PIK3R6: variants seen among roughly 807,000 people sequenced by gnomAD.
The protein encoded by PIK3R6 is phosphoinositide-3-kinase regulatory subunit 6.
A neutral mutation model predicts 84.9 loss-of-function variants in PIK3R6; 91 were observed. The observed-to-expected ratio is 1.07, with a 90% CI of 0.90 to 1.28. PIK3R6 has a LOEUF of 1.28. Ranked by LOEUF, PIK3R6 falls within the 50% of genes most tolerant of loss-of-function variation. PIK3R6 has a pLI of 0.00. For missense variants in PIK3R6, 996 were observed against 985.1 expected, an observed-to-expected ratio of 1.01 and a Z score of -0.15; for synonymous variants, 416 against 411.4, an observed-to-expected ratio of 1.01 and a Z score of -0.13.
chr17:8,827,933 C>G (rs1428026173), intron 12 of PIK3R6, among the ~76,000 whole-genome samples, 179 bp downstream of exon 12: 1 of 152,222 alleles, frequency 6.6e-6, no homozygotes, highest in Non-Finnish European at 1.5e-5. Flanking sequence ...ATGCAACCCC[C>G]AGAGCACCGT....
chr17:8,825,481 ATACT>A (rs1479473791), intron 13 of PIK3R6, among the ~76,000 whole-genome samples: 3 of 152,226 alleles, frequency 2.0e-5, no homozygotes, highest in South Asian at 2.1e-4. Context: ...TATGTACTAA[ATACT>A]TACAAGCACA....
At chr17:8,837,460 G>A (rs778091009) in intron 5 of PIK3R6, among the ~76,000 whole-genome samples, 10 of 152,014 alleles carry the variant, frequency 6.6e-5, no homozygotes, top group Non-Finnish European at 1.5e-4. Flanking sequence ...ACTCCCACCC[G>A]CTGCAACAAC....
intron 13 of PIK3R6, among the ~76,000 whole-genome samples, chr17:8,824,995 T>A (rs532186212): frequency 3.0e-4 from 45 of 152,342 alleles, no homozygotes; most frequent in African/African-American, 1.0e-3. Flanking sequence ...CCGCAGTTTT[T>A]AAAACTAAAG....
At position 8,824,221 on chromosome 17, in the gene PIK3R6, A is replaced by T. The variant is rs187977746; in HGVS notation, c.1516-724T>A. Among the ~76,000 whole-genome samples the T allele has an allele frequency of 4.5e-3, 684 of 152,344 alleles. 1 individual carries two copies. Among genetic ancestry groups the T allele is most frequent in the Middle Eastern group, 0.027 (8 of 294 alleles). On this transcript the variant is annotated intron_variant, in intron 13 of 19. Coordinates refer to ENST00000619866, the MANE Select transcript of PIK3R6 (RefSeq NM_001010855.4). ...GAGGCGGAGGTTGCAGTGAGCCAAGATTGTGCCATTGCACTCCAGCCTGGG... is the reference window on the plus strand; with the variant it reads ...GAGGCGGAGGTTGCAGTGAGCCAAGTTTGTGCCATTGCACTCCAGCCTGGG...
chr17:8,822,012 C>A, intron 16 of PIK3R6, 76 bp from the exon 17 acceptor site: 1 of 1,128,620 alleles, frequency 8.9e-7, no homozygotes, highest in Non-Finnish European at 1.3e-6. Context: ...CATCCACAGT[C>A]TTGCCTCTCT....
intron 1 of PIK3R6, among the ~76,000 whole-genome samples, chr17:8,857,854 C>T (rs1347677248): frequency 6.7e-6 from 1 of 148,174 alleles, no homozygotes; most frequent in African/African-American, 2.5e-5. Flanking sequence ...GAGCTGCAAT[C>T]GTGCCACTGC....
intron 18 of PIK3R6, among the ~76,000 whole-genome samples, chr17:8,804,735 G>C (rs1227775322): frequency 1.3e-5 from 2 of 152,188 alleles, no homozygotes; most frequent in Admixed American, 6.5e-5. Context: ...AGAACTTGGA[G>C]CATTGTGGGT....
chr17:8,837,525 T>C (rs1364105395), intron 5 of PIK3R6, among the ~76,000 whole-genome samples: 1 of 152,146 alleles, frequency 6.6e-6, no homozygotes, highest in African/African-American at 2.4e-5. Context: ...ATCATGTCTC[T>C]TCTCTGTGTA....
intron 1 of PIK3R6, among the ~76,000 whole-genome samples, chr17:8,863,279 G>T (rs2089323620): frequency 6.6e-6 from 1 of 151,994 alleles, no homozygotes; most frequent in South Asian, 2.1e-4. Flanking sequence ...GGTACAAAGT[G>T]ATATTATGAT....
rs116964659 is a variant in PIK3R6, at chr17:8,846,898, T to C, written c.13+2884A>G. Reference sequence around the variant, plus strand: ...GTGGTGGAAGTGATTAAGTCCCTTGTAGGCCTGTGTTCCCTGCACTGTCCT... The same window carrying C: ...GTGGTGGAAGTGATTAAGTCCCTTGCAGGCCTGTGTTCCCTGCACTGTCCT... On this transcript the variant is annotated intron_variant, in intron 2 of 19. Coordinates refer to ENST00000619866, the MANE Select transcript of PIK3R6 (RefSeq NM_001010855.4). Among the ~76,000 whole-genome samples the C allele has an allele frequency of 1.3e-3, 203 of 152,296 alleles. 1 individual carries two copies. In the East Asian group the frequency reaches 0.029, roughly 22 times the overall value.
At chr17:8,833,965 G>A (rs1015266071) in intron 8 of PIK3R6, among the ~76,000 whole-genome samples, 3 of 151,644 alleles carry the variant, frequency 2.0e-5, no homozygotes, top group African/African-American at 7.3e-5. Flanking sequence ...TCAGGAGATG[G>A]AGACCACGGT....
At chr17:8,854,306 GCC>G (rs2089067366) in intron 1 of PIK3R6, among the ~76,000 whole-genome samples, 1 of 152,030 alleles carries the variant, frequency 6.6e-6, no homozygotes, top group Non-Finnish European at 1.5e-5. Flanking sequence ...ACGCCACCAT[GCC>G]CAGGTAATTT....
chr17:8,829,593 C>A (rs571561233), intron 10 of PIK3R6, 113 bp downstream of exon 10: 15,604 of 1,095,490 alleles, frequency 0.014, 162 homozygotes, highest in Non-Finnish European at 0.017. Flanking sequence ...CTGACACACA[C>A]TCATGCATAC....
intron 9 of PIK3R6, 135 bp downstream of exon 9, chr17:8,832,754 A>G (rs1039558722): frequency 1.6e-4 from 220 of 1,361,002 alleles, no homozygotes; most frequent in Non-Finnish European, 1.4e-4. Context: ...GGCTGCCCCC[A>G]GTCCCCAGGC....
intron 9 of PIK3R6, among the ~76,000 whole-genome samples, chr17:8,831,145 C>CAA (rs35954175): frequency 4.8e-3 from 199 of 41,810 alleles, no homozygotes; most frequent in African/African-American, 6.0e-3. Context: ...GATTGTGTCT[C>CAA]AAAAAAAAAA....
intron 1 of PIK3R6, among the ~76,000 whole-genome samples, chr17:8,865,554 C>T (rs1029156543): frequency 2.0e-5 from 3 of 152,070 alleles, no homozygotes; most frequent in Non-Finnish European, 4.4e-5. Flanking sequence ...CCAGAGCTGC[C>T]TCGTGCCCTC....
At chr17:8,847,612 G>A (rs1464059999) in intron 2 of PIK3R6, among the ~76,000 whole-genome samples, 1 of 151,920 alleles carries the variant, frequency 6.6e-6, no homozygotes, top group African/African-American at 2.4e-5. Flanking sequence ...ACCAGCCTGG[G>A]CAACACGGTG....
At position 8,828,596 on chromosome 17, in the gene PIK3R6, C is replaced by T. The variant is rs776910121; in HGVS notation, c.1284G>A (p.Gly428=). The change falls in exon 11 of 20, where the codon GGG becomes GGA. Residue 428 remains glycine, a synonymous_variant. Transcript: ENST00000619866. ...GTCTGTGGTAGGCCTGGGCCAGGCG[C>T]CCCAGCATCCTGTCATCTCCGAGCA... ...VLVLGDDRML[G]RLAQAYHRLR... is the part of the protein sequence containing the mutation. 6.2e-7 allele frequency: 1 copy of T among 1,613,096 alleles called. No homozygotes were observed. Among genetic ancestry groups the T allele is most frequent in the South Asian group, 1.1e-5 (1 of 91,064 alleles).
At chr17:8,834,755 T>C (rs571707771) in intron 8 of PIK3R6, among the ~76,000 whole-genome samples, 1 of 152,230 alleles carries the variant, frequency 6.6e-6, no homozygotes, top group South Asian at 2.1e-4. Context: ...TAGCTACTGT[T>C]GTGGTGACCC....
Sources: allele counts gnomAD v4.1 joint callset (sites outside exome capture counted in the v4.1 genomes callset), GRCh38; gene constraint gnomAD v4.1.1; transcripts MANE v1.5; gene names NCBI Gene and HGNC (gene_info 2026-07-23, HGNC 2026-07-21).